The following RWDD4 variants were observed in gnomAD, a reference collection of about 807,000 sequenced individuals.
RWDD4 encodes the protein RWD domain-containing protein 4.
A neutral mutation model predicts 30.0 loss-of-function variants in RWDD4; 16 were observed. The observed-to-expected ratio is 0.53, with a 90% CI of 0.36 to 0.81. The LOEUF is 0.81. Ranked by LOEUF, RWDD4 falls within the 30% of genes least tolerant of loss-of-function variation. The pLI, the probability that RWDD4 is intolerant of heterozygous loss-of-function variation, is 0.00. For synonymous variants in RWDD4, 45 were observed against 72.1 expected, an observed-to-expected ratio of 0.62 and a Z score of 1.90; for missense variants, 170 against 223.9, an observed-to-expected ratio of 0.76 and a Z score of 1.54.
chr4:183,658,243 C>T (rs1579136132), intron 1 of RWDD4, among the ~76,000 whole-genome samples: 1 of 152,132 alleles, frequency 6.6e-6, no homozygotes, highest in East Asian at 1.9e-4. Context: ...TTTCTAGTCC[C>T]GATTCTACCA....
intron 5 of RWDD4, among the ~76,000 whole-genome samples, chr4:183,649,041 C>T (rs920500687): frequency 5.9e-5 from 9 of 151,492 alleles, no homozygotes; most frequent in Non-Finnish European, 1.5e-5. Flanking sequence ...CCAAATGTTC[C>T]AAGAAGAAAG....
intron 5 of RWDD4, among the ~76,000 whole-genome samples, chr4:183,649,246 T>C (rs1189561402): frequency 6.6e-6 from 1 of 152,062 alleles, no homozygotes; most frequent in Non-Finnish European, 1.5e-5. Flanking sequence ...AAACCCCGTC[T>C]CTACTAAAAA....
intron 5 of RWDD4, 140 bp from the exon 6 acceptor site, chr4:183,646,677 C>G (rs2111234438): frequency 1.5e-6 from 1 of 686,472 alleles, no homozygotes; most frequent in East Asian, 3.0e-5. Context: ...AAGAGTTTAT[C>G]ATTATGAATC....
intron 7 of RWDD4, among the ~76,000 whole-genome samples, chr4:183,642,593 A>G (rs1733881541): frequency 6.6e-6 from 1 of 152,166 alleles, no homozygotes; most frequent in Non-Finnish European, 1.5e-5. Flanking sequence ...ACAGCACAGT[A>G]TAAGTACTAA....
intron 1 of RWDD4, among the ~76,000 whole-genome samples, chr4:183,658,662 A>C (rs1734275505): frequency 6.6e-6 from 1 of 152,262 alleles, no homozygotes; most frequent in Non-Finnish European, 1.5e-5. Flanking sequence ...TGGATCGTGC[A>C]CCAAGGACGC....
chr4:183,654,261 A>G (rs956753281), intron 2 of RWDD4, among the ~76,000 whole-genome samples: 5 of 152,238 alleles, frequency 3.3e-5, no homozygotes, highest in Non-Finnish European at 7.3e-5. Context: ...AGAGGAACCC[A>G]GAGAAAAACA....
intron 2 of RWDD4, among the ~76,000 whole-genome samples, chr4:183,654,209 T>C (rs997779542): frequency 6.6e-6 from 1 of 152,160 alleles, no homozygotes; most frequent in African/African-American, 2.4e-5. Flanking sequence ...CAGAAGGATT[T>C]GGAGTGTCAA....
intron 2 of RWDD4, among the ~76,000 whole-genome samples, chr4:183,654,982 C>T (rs910319345): frequency 3.4e-4 from 52 of 151,896 alleles, no homozygotes; most frequent in African/African-American, 1.2e-3. Context: ...GCTCTGTCGC[C>T]CAGACTGGAG....
At chr4:183,649,606 T>C in intron 4 of RWDD4, 38 bp from the exon 5 acceptor site, 1 of 1,160,226 alleles carries the variant, frequency 8.6e-7, no homozygotes, top group Non-Finnish European at 1.3e-6. Context: ...CCTCATACCT[T>C]ACAACTTGTG....
At chr4:183,651,439 T>C (rs957690846) in intron 2 of RWDD4, 112 bp from the exon 3 acceptor site, 8 of 820,902 alleles carry the variant, frequency 9.7e-6, no homozygotes, top group African/African-American at 1.7e-5. Flanking sequence ...AGATCAGAAA[T>C]GTAATATTTT....
At chr4:183,658,142 A>T (rs983572056) in intron 1 of RWDD4, among the ~76,000 whole-genome samples, 1 of 152,204 alleles carries the variant, frequency 6.6e-6, no homozygotes, top group Non-Finnish European at 1.5e-5. Flanking sequence ...CAATCCAGAG[A>T]TTCTATTACA....
At chr4:183,651,424 T>C (rs1219510361) in intron 2 of RWDD4, 97 bp from the exon 3 acceptor site, 5 of 889,466 alleles carry the variant, frequency 5.6e-6, no homozygotes, top group African/African-American at 1.7e-5. Context: ...CCAATACTCA[T>C]GCTCAGATCA....
intron 1 of RWDD4, 108 bp downstream of exon 1, chr4:183,658,821 G>A (rs1734287200): frequency 2.9e-6 from 3 of 1,035,818 alleles, no homozygotes; most frequent in Non-Finnish European, 3.7e-6. Flanking sequence ...CCGGCTCCGA[G>A]GGCACAGGGC....
At chr4:183,655,536 G>A (rs895289372) in intron 2 of RWDD4, among the ~76,000 whole-genome samples, 1 of 152,020 alleles carries the variant, frequency 6.6e-6, no homozygotes, top group Non-Finnish European at 1.5e-5. Context: ...CGCCCACCTT[G>A]GCCTCCCAAA....
Position 183,655,868 on chromosome 4 carries a change from T to C in RWDD4, c.105+13A>G. 1 of 1,557,794 alleles carries C rather than the reference T, an allele frequency of 6.4e-7. No homozygotes were observed. The highest frequency in any genetic ancestry group is 8.8e-7 in the Non-Finnish European group (1 of 1,133,418). On this transcript the variant is annotated intron_variant, in intron 2 of 7. Transcript: ENST00000326397. ...GAAAAGTTCTAAGTGCTCTTATTCA[T>C]GCCATGTCTTACCCTATATTGAAAA...
At chr4:183,658,815 C>T (rs1734285277) in intron 1 of RWDD4, 114 bp downstream of exon 1, 1 of 998,234 alleles carries the variant, frequency 1.0e-6, no homozygotes, top group African/African-American at 1.7e-5. Context: ...CCCCGGCCGG[C>T]TCCGAGGGCA....
intron 7 of RWDD4, among the ~76,000 whole-genome samples, chr4:183,645,042 G>T (rs1210175665): frequency 6.6e-6 from 1 of 152,178 alleles, no homozygotes; most frequent in Non-Finnish European, 1.5e-5. Flanking sequence ...CAAGGCTACA[G>T]TGAGCCATGT....
At chr4:183,650,924 T>C (rs1734060864) in intron 4 of RWDD4, 60 bp downstream of exon 4, 2 of 1,559,100 alleles carry the variant, frequency 1.3e-6, no homozygotes, top group Non-Finnish European at 1.7e-6. Context: ...TACAAATTTA[T>C]TGCTAACAGC....
rs527306117 is a variant in RWDD4, at chr4:183,656,009, A to G, written c.25-48T>C. 21 of 1,261,376 alleles carry G rather than the reference A, an allele frequency of 1.7e-5. No homozygotes were observed. In the South Asian group the frequency reaches 2.1e-4, roughly 12 times the overall value. The allele number at this position is 1,261,376 out of a possible 1,614,324, so 78.1% of individuals were successfully genotyped here. A position where few individuals can be genotyped will look rare whatever the true frequency, so the allele number is the denominator to read the frequency against. On this transcript the variant is annotated intron_variant, in intron 1 of 7. Coordinates refer to ENST00000326397, the MANE Select transcript of RWDD4 (RefSeq NM_152682.4). ...TTTTGTTTAGTGGTATAAATGAATT[A>G]GAAATAGAGGGTCTTTACTTTCTCA...
Sources: allele counts gnomAD v4.1 joint callset (sites outside exome capture counted in the v4.1 genomes callset), GRCh38; gene constraint gnomAD v4.1.1; transcripts MANE v1.5; gene names NCBI Gene and HGNC (gene_info 2026-07-23, HGNC 2026-07-21).